CNTFR: variants seen among roughly 807,000 people sequenced by gnomAD.
The protein encoded by CNTFR is ciliary neurotrophic factor receptor subunit alpha.
Under a neutral mutation model 40.4 loss-of-function variants are expected in CNTFR, and 12 were observed. The ratio of observed to expected loss-of-function variants is 0.30; its 90% CI spans 0.19 to 0.48. The LOEUF is 0.48. CNTFR is among the 20% of genes least tolerant of loss of function. The pLI, the probability that CNTFR is intolerant of heterozygous loss-of-function variation, is 0.99. For missense variants in CNTFR, 414 were observed against 506.8 expected (o/e 0.82, Z 1.76); for synonymous variants, 202 against 209.6 (o/e 0.96, Z 0.31).
At chr9:34,582,030 T>C (rs1192764022) in intron 1 of CNTFR, among the ~76,000 whole-genome samples, 3 of 152,048 alleles carry the variant, frequency 2.0e-5, no homozygotes, top group Non-Finnish European at 4.4e-5. Context: ...TCCCAGCACT[T>C]TGGGAGGCTG....
intron 2 of CNTFR, among the ~76,000 whole-genome samples, chr9:34,576,966 A>T (rs1036253443): frequency 4.6e-5 from 7 of 151,916 alleles, no homozygotes; most frequent in African/African-American, 1.7e-4. Context: ...TGAGACCTCC[A>T]CTCCAGCCCC....
chr9:34,564,945 G>A (rs1390057908), intron 3 of CNTFR, 113 bp from the exon 4 acceptor site: 1 of 830,730 alleles, frequency 1.2e-6, no homozygotes, highest in Non-Finnish European at 1.9e-6. Flanking sequence ...AGGACGAGAG[G>A]CTCGGTGTCT....
intron 4 of CNTFR, among the ~76,000 whole-genome samples, chr9:34,563,216 C>T (rs1296776092): frequency 6.6e-6 from 1 of 152,238 alleles, no homozygotes; most frequent in Non-Finnish European, 1.5e-5. Flanking sequence ...CTTGCCCATA[C>T]TATTAATACT....
At chr9:34,585,238 C>T (rs913135168) in intron 1 of CNTFR, among the ~76,000 whole-genome samples, 6 of 152,158 alleles carry the variant, frequency 3.9e-5, no homozygotes, top group African/African-American at 1.2e-4. Context: ...CCTTGAGTCA[C>T]GTAGAGCTCA....
intron 2 of CNTFR, among the ~76,000 whole-genome samples, chr9:34,578,249 G>C (rs988523263): frequency 6.6e-6 from 1 of 152,232 alleles, no homozygotes; most frequent in South Asian, 2.1e-4. Context: ...GAGGAGGGGA[G>C]GAAGGAGCGC....
chr9:34,559,201 T>A (rs574765830), intron 4 of CNTFR, among the ~76,000 whole-genome samples: 1 of 152,046 alleles, frequency 6.6e-6, no homozygotes, highest in African/African-American at 2.4e-5. Flanking sequence ...GTGGCCATGG[T>A]GACACAGGGG....
At chr9:34,569,062 G>T in intron 2 of CNTFR, 81 bp from the exon 3 acceptor site, 1 of 1,331,486 alleles carries the variant, frequency 7.5e-7, no homozygotes, top group Non-Finnish European at 1.0e-6. Flanking sequence ...CTGTTCTCAG[G>T]CAAGACTGGG....
At chr9:34,554,561 G>A (rs1183013527) in intron 7 of CNTFR, among the ~76,000 whole-genome samples, 1 of 152,168 alleles carries the variant, frequency 6.6e-6, no homozygotes, top group Non-Finnish European at 1.5e-5. Flanking sequence ...GGAGTCCTCC[G>A]TGGTCTGCTG....
chr9:34,586,538 G>T (rs1295113648), intron 1 of CNTFR, among the ~76,000 whole-genome samples: 1 of 152,122 alleles, frequency 6.6e-6, no homozygotes, highest in Non-Finnish European at 1.5e-5. Flanking sequence ...TGTGTGTATG[G>T]GGCGGGGGAG....
chr9:34,551,622 A>C lies in CNTFR; in HGVS notation c.*449T>G. 3.2e-6 allele frequency: 1 copy of C among 312,116 alleles called. No individual in the cohort carries two copies. The allele number at this position is 312,116 out of a possible 1,614,324, so 19.3% of individuals were successfully genotyped here. A position where few individuals can be genotyped will look rare whatever the true frequency, so the allele number is the denominator to read the frequency against. On this transcript the variant is annotated 3_prime_UTR_variant, in exon 10 of 10. Coordinates refer to ENST00000378980, the MANE Select transcript of CNTFR (RefSeq NM_147164.3). ...AACAGGGCAGAGGGGAGGGGACTGA[A>C]AATTGTGGGTGCTGGGGGGAGGGGG...
At chr9:34,563,316 A>G (rs1280883780) in intron 4 of CNTFR, among the ~76,000 whole-genome samples, 1 of 152,214 alleles carries the variant, frequency 6.6e-6, no homozygotes, top group Non-Finnish European at 1.5e-5. Flanking sequence ...GGGGAATCAA[A>G]GAGCCTCCCT....
At chr9:34,576,576 T>C (rs1489693597) in intron 2 of CNTFR, among the ~76,000 whole-genome samples, 1 of 152,196 alleles carries the variant, frequency 6.6e-6, no homozygotes, top group Non-Finnish European at 1.5e-5. Flanking sequence ...AAATACTTCG[T>C]TGGTCCCTAA....
intron 6 of CNTFR, among the ~76,000 whole-genome samples, chr9:34,556,772 C>T (rs1326177240): frequency 6.6e-6 from 1 of 152,060 alleles, no homozygotes; most frequent in Non-Finnish European, 1.5e-5. Flanking sequence ...CCACTGTCAC[C>T]CCCACTGTCA....
intron 1 of CNTFR, among the ~76,000 whole-genome samples, chr9:34,584,225 GCA>G (rs1016210024): frequency 1.2e-4 from 19 of 152,204 alleles, no homozygotes; most frequent in African/African-American, 4.3e-4. Flanking sequence ...GAAATTCTCT[GCA>G]GTTATTTAGG....
chr9:34,564,878 G>T (rs368407271), intron 3 of CNTFR, 46 bp from the exon 4 acceptor site: 2 of 1,558,996 alleles, frequency 1.3e-6, no homozygotes, highest in East Asian at 2.3e-5. Context: ...GTCACAGCCC[G>T]GCCCAGCACC....
chr9:34,568,835 C>T (rs1826432710), intron 3 of CNTFR, 62 bp downstream of exon 3: 1 of 1,418,350 alleles, frequency 7.1e-7, no homozygotes, highest in Non-Finnish European at 9.7e-7. Context: ...GCAGCTATGC[C>T]AGTGAGGGTT....
chr9:34,570,717 G>A (rs1280008674), intron 2 of CNTFR, among the ~76,000 whole-genome samples: 3 of 152,182 alleles, frequency 2.0e-5, no homozygotes, highest in Non-Finnish European at 2.9e-5. Flanking sequence ...CACACAGCCA[G>A]AAAAACTGAC....
In CNTFR at chr9:34,589,395, C is replaced by G. The variant is rs1472227149; in HGVS notation, c.-112+160G>C. Among the ~76,000 whole-genome samples the G allele has an allele frequency of 1.3e-5, 2 of 151,710 alleles. No individual in the cohort carries two copies. Among genetic ancestry groups the G allele is most frequent in the Non-Finnish European group, 2.9e-5 (2 of 67,866 alleles). ...GCCGCTCCTCCAGCGCCCCCGCCCCCGAGTTTGCAGGCAAAGTTTCTCGTG... is the reference window on the plus strand; with the variant it reads ...GCCGCTCCTCCAGCGCCCCCGCCCCGGAGTTTGCAGGCAAAGTTTCTCGTG... On this transcript the variant is annotated intron_variant, in intron 1 of 9. Coordinates refer to ENST00000378980, the MANE Select transcript of CNTFR (RefSeq NM_147164.3). This position sits in a 1 kb window ranked among gnomAD's most constrained non-coding sequence, Gnocchi z 4.4.
chr9:34,561,722 C>T (rs1192616103), intron 4 of CNTFR, among the ~76,000 whole-genome samples: 2 of 152,190 alleles, frequency 1.3e-5, no homozygotes, highest in African/African-American at 2.4e-5. Context: ...GTAACTCTGT[C>T]CTGTTCTCTG....
Sources: allele counts gnomAD v4.1 joint callset (sites outside exome capture counted in the v4.1 genomes callset), GRCh38; gene constraint gnomAD v4.1.1; non-coding constraint Gnocchi (gnomAD v3.1); transcripts MANE v1.5; gene names NCBI Gene and HGNC (gene_info 2026-07-23, HGNC 2026-07-21).